Variants in EYA4 observed in about 807,000 individuals in gnomAD.
EYA4 encodes EYA transcriptional coactivator and phosphatase 4, also known as protein phosphatase EYA4.
Under a neutral mutation model 87.9 loss-of-function variants are expected in EYA4, and 31 were observed. That is an observed-to-expected ratio of 0.35 (90% CI 0.27 to 0.48). The LOEUF (loss-of-function observed/expected upper bound fraction) is 0.48. Ranked by LOEUF, EYA4 falls within the 20% of genes least tolerant of loss-of-function variation. The pLI is 0.99. For missense variants in EYA4, 678 were observed against 761.4 expected (o/e 0.89, Z 1.29); for synonymous variants, 263 against 270.6 (o/e 0.97, Z 0.28).
At chr6:133,253,944 A>G (rs759768058) in intron 1 of EYA4, among the ~76,000 whole-genome samples, 1 of 152,156 alleles carries the variant, frequency 6.6e-6, no homozygotes, top group Non-Finnish European at 1.5e-5. Flanking sequence ...TTCCATGCAT[A>G]TCTTTAAAGG....
intron 3 of EYA4, among the ~76,000 whole-genome samples, chr6:133,430,807 C>G (rs1429602428): frequency 1.3e-5 from 2 of 152,192 alleles, no homozygotes; most frequent in Admixed American, 1.3e-4. Flanking sequence ...AGGCTTCTTG[C>G]TCTCATAGAG....
intron 19 of EYA4, 87 bp downstream of exon 19, chr6:133,525,341 G>A: frequency 9.6e-7 from 1 of 1,042,672 alleles, no homozygotes; most frequent in Non-Finnish European, 1.5e-6. Flanking sequence ...ATGGCAGCTT[G>A]ACAAATGATT....
rs369993979 is a variant in EYA4 at position 133,481,457 on chromosome 6, C to T, written c.971-6C>T. On this transcript the variant is annotated splice_region_variant and splice_polypyrimidine_tract_variant and intron_variant, in intron 11 of 19. Transcript: ENST00000355286. The stretch of plus-strand genomic sequence containing the variant: ...CTATTCTTGACCTAAGTCATGTTAT[C>T]TATAGGAGAGTTCGATACCATGCAG... The T allele has an allele frequency of 1.9e-6, 3 of 1,613,342 alleles. No homozygotes were observed. Among genetic ancestry groups the T allele is most frequent in the South Asian group, 2.2e-5 (2 of 91,064 alleles).
At chr6:133,477,363 A>G (rs938353877) in intron 11 of EYA4, among the ~76,000 whole-genome samples, 1 of 152,086 alleles carries the variant, frequency 6.6e-6, no homozygotes, top group Non-Finnish European at 1.5e-5. Context: ...TTCTTTGATA[A>G]TGAGTCATGT....
At chr6:133,300,367 A>T (rs1005789374) in intron 2 of EYA4, among the ~76,000 whole-genome samples, 1 of 152,156 alleles carries the variant, frequency 6.6e-6, no homozygotes, top group Non-Finnish European at 1.5e-5. Flanking sequence ...CTACTGTTAA[A>T]TATTAATGTA....
chr6:133,242,963 T>C (rs1240525206), intron 1 of EYA4, among the ~76,000 whole-genome samples: 3 of 151,848 alleles, frequency 2.0e-5, no homozygotes, highest in Non-Finnish European at 4.4e-5. Context: ...GCCTAGAGAG[T>C]CATTCATGAA....
At chr6:133,477,722 G>T (rs1264550873) in intron 11 of EYA4, among the ~76,000 whole-genome samples, 1 of 151,740 alleles carries the variant, frequency 6.6e-6, no homozygotes, top group Non-Finnish European at 1.5e-5. Flanking sequence ...ATTTAATTTT[G>T]TTAAATTAAT....
chr6:133,317,079 GA>G (rs1780686175), intron 2 of EYA4, among the ~76,000 whole-genome samples: 1 of 152,020 alleles, frequency 6.6e-6, no homozygotes, highest in South Asian at 2.1e-4. Flanking sequence ...AGAGAGACAA[GA>G]GTCTACACCA....
chr6:133,288,995 A>G (rs1361388464), intron 2 of EYA4, among the ~76,000 whole-genome samples: 1 of 152,212 alleles, frequency 6.6e-6, no homozygotes, highest in African/African-American at 2.4e-5. Context: ...TTTAGAGAAG[A>G]TAATGAGGAA....
At chr6:133,413,102 C>T (rs1467006682) in intron 3 of EYA4, among the ~76,000 whole-genome samples, 3 of 152,176 alleles carry the variant, frequency 2.0e-5, no homozygotes, top group Non-Finnish European at 4.4e-5. Flanking sequence ...CTGGGGATAA[C>T]TATGAAATGT....
chr6:133,342,272 T>C (rs1172289623), intron 2 of EYA4, among the ~76,000 whole-genome samples: 1 of 150,382 alleles, frequency 6.6e-6, no homozygotes, highest in African/African-American at 2.4e-5. Flanking sequence ...CTACAATTCA[T>C]TGTTAGATTC....
At chr6:133,413,667 A>C (rs531994374) in intron 3 of EYA4, among the ~76,000 whole-genome samples, 2 of 151,826 alleles carry the variant, frequency 1.3e-5, no homozygotes, top group Non-Finnish European at 2.9e-5. Context: ...TACTTACCAC[A>C]CTTTTCTGGG....
At chr6:133,427,795 T>C (rs1237081114) in intron 3 of EYA4, among the ~76,000 whole-genome samples, 2 of 152,204 alleles carry the variant, frequency 1.3e-5, no homozygotes, top group Non-Finnish European at 2.9e-5. Flanking sequence ...AACCAGGAAG[T>C]TCTTTGTTCA....
Position 133,523,146 on chromosome 6 carries a change from C to T in EYA4, c.1707C>T (p.Pro569=), listed in dbSNP as rs1197553602. The T allele has an allele frequency of 1.2e-6, 2 of 1,612,152 alleles. No individual in the cohort carries two copies. Among genetic ancestry groups the T allele is most frequent in the African/African-American group, 2.7e-5 (2 of 74,840 alleles). The change falls in exon 18 of 20, where the codon CCC becomes CCT. Residue 569 remains proline, a synonymous_variant. Transcript: ENST00000355286. ...VLLYSLGGAF[P]IENIYSATKI... ...TCTATAGTTTAGGAGGTGCTTTCCC[C>T]ATTGAGAATATTTACAGTGCAACTA...
At chr6:133,493,641 A>G (rs776869726) in intron 13 of EYA4, among the ~76,000 whole-genome samples, 4 of 152,212 alleles carry the variant, frequency 2.6e-5, no homozygotes, top group Admixed American at 2.0e-4. Context: ...AACACAGTCA[A>G]CAAAGTGAAG....
intron 2 of EYA4, among the ~76,000 whole-genome samples, chr6:133,311,061 A>G (rs72991933): frequency 0.25 from 37,459 of 151,938 alleles, 5,646 homozygotes; most frequent in Middle Eastern, 0.35. Context: ...AGGTTTCACT[A>G]TTTTCTTCTT....
intron 2 of EYA4, among the ~76,000 whole-genome samples, chr6:133,369,999 G>A (rs191737307): frequency 1.4e-4 from 21 of 152,258 alleles, no homozygotes; most frequent in Admixed American, 3.9e-4. Context: ...GCCATTGGTC[G>A]GAACCAGGAG....
At chr6:133,522,191 A>C (rs1395710634) in intron 17 of EYA4, among the ~76,000 whole-genome samples, 2 of 139,474 alleles carry the variant, frequency 1.4e-5, no homozygotes, top group African/African-American at 5.3e-5. Context: ...TTTTAATTAT[A>C]CTTTAAGTTC....
intron 2 of EYA4, among the ~76,000 whole-genome samples, chr6:133,380,802 C>T (rs1786124596): frequency 6.6e-6 from 1 of 151,398 alleles, no homozygotes; most frequent in Non-Finnish European, 1.5e-5. Flanking sequence ...TCCCTCCCCA[C>T]CCTTTCCCCT....
Sources: allele counts gnomAD v4.1 joint callset (sites outside exome capture counted in the v4.1 genomes callset), GRCh38; gene constraint gnomAD v4.1.1; transcripts MANE v1.5; gene names NCBI Gene and HGNC (gene_info 2026-07-23, HGNC 2026-07-21).